Variants in PHACTR3 observed in about 807,000 individuals in gnomAD.
The protein encoded by PHACTR3 is protein phosphatase 1, regulatory subunit 123.
PHACTR3 carries 16 observed loss-of-function variants against 66.8 expected under a neutral mutation model. That is an observed-to-expected ratio of 0.24 (90% CI 0.16 to 0.36). PHACTR3 has a LOEUF of 0.36. Ranked by LOEUF, PHACTR3 falls within the 10% of genes least tolerant of loss-of-function variation. PHACTR3 has a pLI of 1.00. For synonymous variants in PHACTR3, 323 were observed against 292.1 expected (o/e 1.11, Z -1.08); for missense variants, 647 against 719.9 (o/e 0.90, Z 1.16).
At chr20:59,793,399 T>C (rs1339779644) in intron 7 of PHACTR3, among the ~76,000 whole-genome samples, 2 of 152,234 alleles carry the variant, frequency 1.3e-5, no homozygotes, top group African/African-American at 4.8e-5. Flanking sequence ...TAGCAATGTT[T>C]ATTCTTCCCA....
chr20:59,845,925 G>A (rs986350252), intron 12 of PHACTR3, among the ~76,000 whole-genome samples: 1 of 152,174 alleles, frequency 6.6e-6, no homozygotes, highest in Non-Finnish European at 1.5e-5. Context: ...TCTTAGTGAT[G>A]ACGAAGTTGG....
intron 1 of PHACTR3, among the ~76,000 whole-genome samples, chr20:59,729,800 G>A (rs1601207502): frequency 2.0e-5 from 3 of 152,292 alleles, no homozygotes; most frequent in South Asian, 2.1e-4. Flanking sequence ...GTGATGAAGC[G>A]AGCAGCCCTG....
chr20:59,826,380 G>A (rs1479018382), intron 8 of PHACTR3, among the ~76,000 whole-genome samples: 3 of 152,198 alleles, frequency 2.0e-5, no homozygotes, highest in African/African-American at 7.2e-5. Flanking sequence ...GTTCTTCCCA[G>A]CTGACTCAAC....
intron 1 of PHACTR3, among the ~76,000 whole-genome samples, chr20:59,677,195 G>T (rs1488415842): frequency 1.3e-5 from 2 of 152,156 alleles, no homozygotes; most frequent in Non-Finnish European, 2.9e-5. Context: ...TGACTGCATG[G>T]TGTCCTATTC....
intron 1 of PHACTR3, among the ~76,000 whole-genome samples, chr20:59,605,365 C>A (rs2033622471): frequency 6.6e-6 from 1 of 152,210 alleles, no homozygotes; most frequent in Admixed American, 6.5e-5. Flanking sequence ...AGCTTCCCCT[C>A]CTCTCCGGCT....
intron 1 of PHACTR3, among the ~76,000 whole-genome samples, chr20:59,678,172 G>A (rs2036518281): frequency 6.6e-6 from 1 of 151,958 alleles, no homozygotes; most frequent in African/African-American, 2.4e-5. Context: ...TGTATGTTTT[G>A]GGTATTAACT....
intron 1 of PHACTR3, among the ~76,000 whole-genome samples, chr20:59,674,477 CCCCTTGTTCTCGTT>C (rs2036325238): frequency 2.8e-5 from 3 of 105,634 alleles, no homozygotes; most frequent in African/African-American, 1.4e-4. Flanking sequence ...TCTCCTGTTC[CCCCTTGTTCTCGTT>C]CCCCTTCTCC....
At chr20:59,693,261 G>A (rs974698475) in intron 1 of PHACTR3, among the ~76,000 whole-genome samples, 3 of 152,166 alleles carry the variant, frequency 2.0e-5, no homozygotes, top group Admixed American at 6.5e-5. Context: ...GCATCTATGT[G>A]CTTGACTTAG....
chr20:59,826,521 T>G (rs2042196192), intron 8 of PHACTR3, among the ~76,000 whole-genome samples: 1 of 151,724 alleles, frequency 6.6e-6, no homozygotes, highest in Non-Finnish European at 1.5e-5. Flanking sequence ...ACAGGGCACA[T>G]GCTGTCCTCA....
At chr20:59,779,678 A>AT (rs2040657021) in intron 7 of PHACTR3, among the ~76,000 whole-genome samples, 1 of 152,196 alleles carries the variant, frequency 6.6e-6, no homozygotes, top group African/African-American at 2.4e-5. Context: ...GAAAAAGAAA[A>AT]TTTTTGTTAT....
At chr20:59,786,700 C>G (rs2040928514) in intron 7 of PHACTR3, among the ~76,000 whole-genome samples, 1 of 150,478 alleles carries the variant, frequency 6.6e-6, no homozygotes. Context: ...TGACAGGTCT[C>G]CACAGAGCAC....
intron 1 of PHACTR3, among the ~76,000 whole-genome samples, chr20:59,617,892 C>A (rs969884682): frequency 5.3e-5 from 8 of 152,228 alleles, no homozygotes; most frequent in African/African-American, 1.9e-4. Context: ...AATAGCGCAG[C>A]AAACCGACCT....
intron 1 of PHACTR3, among the ~76,000 whole-genome samples, chr20:59,709,802 C>T (rs2037847093): frequency 6.6e-6 from 1 of 151,816 alleles, no homozygotes; most frequent in Admixed American, 6.6e-5. Flanking sequence ...GCAGGTGGAA[C>T]ACTAGTTTCC....
intron 1 of PHACTR3, among the ~76,000 whole-genome samples, chr20:59,629,942 C>T (rs575568036): frequency 6.6e-6 from 1 of 152,104 alleles, no homozygotes; most frequent in East Asian, 1.9e-4. Context: ...TCTAGGCAGC[C>T]AAGGGGGTTC....
At chr20:59,745,161 A>G (rs1673577660) in intron 2 of PHACTR3, among the ~76,000 whole-genome samples, 1 of 152,188 alleles carries the variant, frequency 6.6e-6, no homozygotes, top group Non-Finnish European at 1.5e-5. Context: ...TTCATTGAGA[A>G]AGGCAGGGAA....
chr20:59,765,714 T>C (rs1388674410), intron 4 of PHACTR3, among the ~76,000 whole-genome samples: 1 of 152,222 alleles, frequency 6.6e-6, no homozygotes, highest in Non-Finnish European at 1.5e-5. Flanking sequence ...AGGCCTGTTG[T>C]AACACCCCCT....
chr20:59,844,517 A>C (rs2059117771), intron 11 of PHACTR3: 1 of 152,178 alleles, frequency 6.6e-6, no homozygotes, highest in Non-Finnish European at 1.5e-5. Context: ...TTCCACCTTA[A>C]GAAAATCCAG....
chr20:59,736,516 G>C lies in PHACTR3; in HGVS notation c.119-6591G>C, dbSNP rs538994312. Among the ~76,000 whole-genome samples, 4 of 138,062 alleles carry C rather than the reference G, an allele frequency of 2.9e-5. No individual in the cohort carries two copies. In the Admixed American group the frequency reaches 2.9e-4, roughly 10 times the overall value. The allele number at this position is 138,062 out of a possible 152,430, so 90.6% of individuals were successfully genotyped here. A position where few individuals can be genotyped will look rare whatever the true frequency, so the allele number is the denominator to read the frequency against. ...ACCCACGCCCATGCACACTGGCTCC[G>C]CAGGTGCTCACCCGCCCACCCGTGT... On this transcript the variant is annotated intron_variant, in intron 1 of 12. Coordinates refer to ENST00000371015, the MANE Select transcript of PHACTR3 (RefSeq NM_080672.5). The surrounding 1 kb of genome is among the most constrained non-coding windows in gnomAD (Gnocchi z 4.6).
intron 1 of PHACTR3, among the ~76,000 whole-genome samples, chr20:59,648,671 G>T (rs2146444270): frequency 6.6e-6 from 1 of 152,290 alleles, no homozygotes; most frequent in East Asian, 1.9e-4. Context: ...GGTACTTAAG[G>T]CAGGGCCTGT....
Sources: gnomAD v4.1 joint callset for allele counts (sites outside exome capture counted in the v4.1 genomes callset) on GRCh38, gnomAD v4.1.1 for gene constraint, Gnocchi (gnomAD v3.1) non-coding constraint, MANE v1.5 for transcripts, NCBI Gene and HGNC (gene_info 2026-07-23, HGNC 2026-07-21) for gene names.